ANXA4: variants seen among roughly 807,000 people sequenced by gnomAD.
The protein encoded by ANXA4 is 35-beta calcimedin.
In ANXA4, 39 loss-of-function variants were observed where a neutral mutation model predicts 49.8. The ratio of observed to expected loss-of-function variants is 0.78; its 90% confidence interval spans 0.61 to 1.02. ANXA4 has a LOEUF of 1.02. ANXA4 is among the 50% of genes least tolerant of loss of function. The probability of loss-of-function intolerance (pLI) is 0.00; values close to 1 mark genes in which losing one functional copy is unlikely to be tolerated. For missense variants in ANXA4, 360 were observed against 410.1 expected, an observed-to-expected ratio of 0.88 and a Z score of 1.05; for synonymous variants, 134 against 152.5, an observed-to-expected ratio of 0.88 and a Z score of 0.89.
chr2:69,664,866 G>A (rs1676876711), intron 2 of ANXA4, among the ~76,000 whole-genome samples: 1 of 152,174 alleles, frequency 6.6e-6, no homozygotes, highest in Non-Finnish European at 1.5e-5. Flanking sequence ...ACTTTGGGAG[G>A]CTGAGGCAGG....
Position 69,742,149 on chromosome 2 carries a change from G to C in ANXA4, c.-73G>C, listed in dbSNP as rs1195892822. 2 of 152,366 alleles carry C rather than the reference G, an allele frequency of 1.3e-5. No homozygotes were observed. The highest frequency in any genetic ancestry group is 1.3e-4 in the Admixed American group (2 of 15,288). The allele number at this position is 152,366 out of a possible 1,614,324, so 9.4% of individuals were successfully genotyped here. ...TGAGTAGGGTGTGACCTCCGCAGCC[G>C]CAGAGGAGGAGCGCAGCCCGGCCTC... is the stretch of plus-strand genomic sequence containing the variant. On this transcript the variant is annotated 5_prime_UTR_variant, in exon 1 of 13. Transcript: ENST00000394295.
chr2:69,793,149 G>A (rs889148739), intron 3 of ANXA4, among the ~76,000 whole-genome samples: 1 of 151,522 alleles, frequency 6.6e-6, no homozygotes, highest in African/African-American at 2.4e-5. Context: ...CTACTCAGGA[G>A]GCTGAGACAG....
At chr2:69,742,938 T>G (rs1430482782) in intron 1 of ANXA4, among the ~76,000 whole-genome samples, 3 of 152,160 alleles carry the variant, frequency 2.0e-5, no homozygotes, top group Non-Finnish European at 2.9e-5. Flanking sequence ...CCTCTCCAAG[T>G]TATCCATTCT....
In ANXA4 at chr2:69,716,666, G is replaced by T. The variant is rs149000254; in HGVS notation, n.767-4108G>T. Among the ~76,000 whole-genome samples the T allele has an allele frequency of 9.6e-3, 1,465 of 152,244 alleles. 30 individuals are homozygous for T. The highest frequency in any genetic ancestry group is 0.034 in the African/African-American group (1,407 of 41,516). On this transcript the variant is annotated intron_variant and non_coding_transcript_variant, in intron 2 of 3. Transcript: ENST00000418066. ...ACGGGTCTGAGAGACAGCACAACAG[G>T]AGGGCAGCGGATTAGTTATGAGGCT...
intron 1 of ANXA4, chr2:69,645,048 C>T (rs1376079283): frequency 6.6e-6 from 1 of 152,166 alleles, no homozygotes; most frequent in African/African-American, 2.4e-5. Context: ...TATTGTTCAT[C>T]TCTGCCCGCT....
At chr2:69,701,793 C>T (rs6724142) in intron 2 of ANXA4, among the ~76,000 whole-genome samples, 38,940 of 151,852 alleles carry the variant, frequency 0.26, 6,145 homozygotes, top group East Asian at 0.45. Flanking sequence ...GGCTGGTCAC[C>T]GTTTCACAGA....
At chr2:69,646,833 T>TC (rs923794003) in intron 1 of ANXA4, among the ~76,000 whole-genome samples, 2 of 152,066 alleles carry the variant, frequency 1.3e-5, no homozygotes, top group African/African-American at 4.8e-5. Context: ...ACTAACTGTA[T>TC]CCCCCCAACC....
At chr2:69,803,047 A>C (rs1573289981) in intron 3 of ANXA4, among the ~76,000 whole-genome samples, 5 of 151,612 alleles carry the variant, frequency 3.3e-5, no homozygotes, top group Admixed American at 3.3e-4. Flanking sequence ...AAATACAAAA[A>C]AAAATTAGCC....
upstream of ANXA4, chr2:69,644,044 G>T (rs1421808004): frequency 2.0e-5 from 6 of 294,136 alleles, no homozygotes; most frequent in Admixed American, 1.9e-4. Flanking sequence ...TACTCCTGGA[G>T]GAGAGGGCGA....
intron 3 of ANXA4, among the ~76,000 whole-genome samples, chr2:69,792,818 T>C (rs1672749511): frequency 2.0e-5 from 3 of 152,128 alleles, no homozygotes; most frequent in Admixed American, 6.5e-5. Flanking sequence ...GTAAAACCTG[T>C]TAGGTTGTTT....
intron 10 of ANXA4, among the ~76,000 whole-genome samples, chr2:69,819,020 T>C (rs1674119796): frequency 6.6e-6 from 1 of 152,228 alleles, no homozygotes; most frequent in Non-Finnish European, 1.5e-5. Context: ...GTAATCCTTA[T>C]TTTGAAATGA....
At chr2:69,665,266 A>G (rs1676893041) in intron 2 of ANXA4, among the ~76,000 whole-genome samples, 1 of 152,130 alleles carries the variant, frequency 6.6e-6, no homozygotes, top group Non-Finnish European at 1.5e-5. Flanking sequence ...AGACCACGTT[A>G]AAATAGAGTC....
In ANXA4 at chr2:69,807,924, G is replaced by A; in HGVS notation, c.325G>A (p.Gly109Ser). 6.2e-7 allele frequency: 1 copy of A among 1,614,086 alleles called. No individual in the cohort carries two copies. The highest frequency in any genetic ancestry group is 8.5e-7 in the Non-Finnish European group (1 of 1,179,992). ...TGTTTAGGGAGCCGGCACTGATGAG[G>A]GCTGCCTAATTGAGATCCTGGCCTC... ...RAMKGAGTDEGCLIEILASRT... is the reference protein window; with the variant it reads ...RAMKGAGTDESCLIEILASRT... Residue 109 changes from glycine to serine, a missense_variant, in exon 6 of 13, where the codon GGC (glycine) becomes AGC (serine). Physicochemically the swap from Gly to Ser is moderately conservative, Grantham distance 56. Coordinates refer to ENST00000394295, the MANE Select transcript of ANXA4 (RefSeq NM_001153.5).
At chr2:69,806,313 T>C in intron 4 of ANXA4, 72 bp from the exon 5 acceptor site, 2 of 1,131,810 alleles carry the variant, frequency 1.8e-6, no homozygotes, top group South Asian at 2.5e-5. Context: ...CAGACATCCC[T>C]GGACCACACC....
chr2:69,713,569 T>C (rs1678752264), intron 2 of ANXA4: 2 of 152,220 alleles, frequency 1.3e-5, no homozygotes, highest in African/African-American at 4.8e-5. Flanking sequence ...AATCAGTTTG[T>C]AAAACTCTTG....
At chr2:69,698,711 C>T (rs368792603) in intron 2 of ANXA4, among the ~76,000 whole-genome samples, 14 of 152,176 alleles carry the variant, frequency 9.2e-5, no homozygotes, top group African/African-American at 2.2e-4. Flanking sequence ...AACTGAGACT[C>T]GATCATGAGG....
intron 8 of ANXA4, chr2:69,814,808 GA>G: frequency 2.6e-5 from 4 of 151,944 alleles, no homozygotes; most frequent in African/African-American, 1.0e-4. Flanking sequence ...GAAAGAGAGA[GA>G]GGATGGAGTT....
At chr2:69,718,778 C>T (rs1418321055) in intron 2 of ANXA4, among the ~76,000 whole-genome samples, 1 of 144,876 alleles carries the variant, frequency 6.9e-6, no homozygotes, top group Non-Finnish European at 1.5e-5. Context: ...CACACATTCA[C>T]ACACATGCAT....
At chr2:69,656,559 T>TTTC (rs1371987610) in intron 2 of ANXA4, among the ~76,000 whole-genome samples, 1 of 143,832 alleles carries the variant, frequency 7.0e-6, no homozygotes, top group Non-Finnish European at 1.5e-5. Context: ...TCCTTTTTTT[T>TTTC]TTTTTTTTTT....
Sources: gnomAD v4.1 joint callset for allele counts (sites outside exome capture counted in the v4.1 genomes callset) on GRCh38, gnomAD v4.1.1 for gene constraint, MANE v1.5 for transcripts, NCBI Gene and HGNC (gene_info 2026-07-23, HGNC 2026-07-21) for gene names.